The following DYNC2H1 variants were observed in gnomAD, a reference collection of about 807,000 sequenced individuals.
DYNC2H1 encodes the protein dynein cytoplasmic 2 heavy chain 1, also known as cytoplasmic dynein 2 heavy chain 1.
A neutral mutation model predicts 570.0 loss-of-function variants in DYNC2H1; 410 were observed. The ratio of observed to expected loss-of-function variants is 0.72; its 90% CI spans 0.66 to 0.78. The LOEUF (loss-of-function observed/expected upper bound fraction) is 0.78. Ranked by LOEUF, DYNC2H1 falls within the 30% of genes least tolerant of loss-of-function variation. The probability of loss-of-function intolerance (pLI) is 0.00; values close to 1 mark genes in which losing one functional copy is unlikely to be tolerated. For missense variants in DYNC2H1, 4,865 were observed against 5,046.4 expected (o/e 0.96, Z 1.09); for synonymous variants, 1,688 against 1,677.6 (o/e 1.01, Z -0.15).
In DYNC2H1 at chr11:103,205,716, G is replaced by T. The variant is rs1023426691; in HGVS notation, c.8454+752G>T. Among the ~76,000 whole-genome samples the T allele has an allele frequency of 6.6e-6, 1 of 152,124 alleles. No individual in the cohort carries two copies. The highest frequency in any genetic ancestry group is 1.5e-5 in the Non-Finnish European group (1 of 68,020). On this transcript the variant is annotated intron_variant, in intron 52 of 88. Coordinates refer to ENST00000375735, the MANE Select transcript of DYNC2H1 (RefSeq NM_001377.3). This position sits in a 1 kb window ranked among gnomAD's most constrained non-coding sequence, Gnocchi z 4.5. ...CCAGAGAGAAATCCCTGCCCTCATG[G>T]TGTTTACATTCTTCTCAGGTATATC...
At chr11:103,242,596 T>A (rs985865098) in intron 63 of DYNC2H1, among the ~76,000 whole-genome samples, 3 of 152,236 alleles carry the variant, frequency 2.0e-5, no homozygotes, top group Non-Finnish European at 4.4e-5. Flanking sequence ...GTTTAAATTT[T>A]AGTAGGTAGC....
At position 103,131,351 on chromosome 11, in the gene DYNC2H1, T is replaced by C. The variant is rs1179917134; in HGVS notation, c.1954-2204T>C. ...CTCTGTCGCCCAGGCTGGAGTGCAGTGTCGCAATCTCGGCTCACTGCAAGC... is the reference window on the plus strand; with the variant it reads ...CTCTGTCGCCCAGGCTGGAGTGCAGCGTCGCAATCTCGGCTCACTGCAAGC... On this transcript the variant is annotated intron_variant, in intron 13 of 88. Coordinates refer to ENST00000375735, the MANE Select transcript of DYNC2H1 (RefSeq NM_001377.3). Among the ~76,000 whole-genome samples, 175 of 152,204 alleles carry C rather than the reference T, an allele frequency of 1.1e-3. 2 individuals carry two copies. The highest frequency in any genetic ancestry group is 2.1e-4 in the Non-Finnish European group (14 of 67,996).
At position 103,170,251 on chromosome 11, in the gene DYNC2H1, A is replaced by G. The variant is rs1323749681; in HGVS notation, c.5112A>G (p.Gly1704=). Reference sequence around the variant, plus strand: ...CGGAATCAGTAAAGGCTTTAGGTGGACTTCTTGGAAGACAAGTTTTAGTCT... The same window carrying G: ...CGGAATCAGTAAAGGCTTTAGGTGGGCTTCTTGGAAGACAAGTTTTAGTCT... ...GKTESVKALG[G]LLGRQVLVFN... The change falls in exon 33 of 89, where the codon GGA becomes GGG. Residue 1704 remains glycine (G), a synonymous_variant. Coordinates refer to ENST00000375735, the MANE Select transcript of DYNC2H1 (RefSeq NM_001377.3). The surrounding 1 kb of genome is among the most constrained non-coding windows in gnomAD (Gnocchi z 4.8). 2 of 1,606,118 alleles carry G rather than the reference A, an allele frequency of 1.2e-6. No homozygotes were observed. Among genetic ancestry groups the G allele is most frequent in the Non-Finnish European group, 1.7e-6 (2 of 1,176,928 alleles).
Position 103,344,378 on chromosome 11 carries a change from A to G in DYNC2H1, c.12040-13865A>G, listed in dbSNP as rs575699691. On this transcript the variant is annotated intron_variant, in intron 82 of 88. Transcript: ENST00000375735. ...TCCCCATCTAATTCGGAATAAATGC[A>G]TTCATTACAAAGACTTATGAGATCC... Among the ~76,000 whole-genome samples, 43 of 152,330 alleles carry G rather than the reference A, an allele frequency of 2.8e-4. 1 individual carries two copies. In the South Asian group the frequency reaches 8.7e-3, roughly 31 times the overall value.
intron 18 of DYNC2H1, among the ~76,000 whole-genome samples, chr11:103,146,991 T>A (rs1860273563): frequency 6.6e-6 from 1 of 152,200 alleles, no homozygotes; most frequent in Non-Finnish European, 1.5e-5. Flanking sequence ...TAGGTATATA[T>A]AAAAATTTAT....
chr11:103,355,745 T>C (rs1437695842), intron 82 of DYNC2H1, among the ~76,000 whole-genome samples: 1 of 152,212 alleles, frequency 6.6e-6, no homozygotes, highest in Non-Finnish European at 1.5e-5. Flanking sequence ...GGGGTCTTGC[T>C]TTGTCATGTA....
rs1183492936 is a variant in DYNC2H1 at position 103,324,556 on chromosome 11, T to A, written c.12039+566T>A. ...CAAAGGACATGGTCTTGTTCTTTTC[T>A]TATGTTGCATATTCCATGTTGTCTA... On this transcript the variant is annotated intron_variant, in intron 82 of 88. Transcript: ENST00000375735. The surrounding 1 kb of genome is among the most constrained non-coding windows in gnomAD (Gnocchi z 5.2). 6.6e-6 allele frequency among the ~76,000 whole-genome samples: 1 copy of A among 152,218 alleles called. No homozygotes were observed. Among genetic ancestry groups the A allele is most frequent in the Non-Finnish European group, 1.5e-5 (1 of 68,040 alleles).
chr11:103,300,083 G>T (rs996147460), intron 75 of DYNC2H1, among the ~76,000 whole-genome samples: 2 of 151,918 alleles, frequency 1.3e-5, no homozygotes, highest in Admixed American at 6.6e-5. Context: ...AGGATGAGAG[G>T]AATTAAAAAG....
chr11:103,292,760 G>A (rs1482046546), intron 75 of DYNC2H1, among the ~76,000 whole-genome samples: 2 of 152,152 alleles, frequency 1.3e-5, no homozygotes, highest in African/African-American at 4.8e-5. Flanking sequence ...TAACATGCAA[G>A]CTGCTGTTCT....
intron 24 of DYNC2H1, among the ~76,000 whole-genome samples, chr11:103,155,126 G>T (rs1591328587): frequency 1.3e-5 from 2 of 151,936 alleles, no homozygotes; most frequent in South Asian, 4.2e-4. Flanking sequence ...ACTACAAAGG[G>T]TAATTTGTGT....
At chr11:103,260,305 C>G (rs777868617) in intron 70 of DYNC2H1, among the ~76,000 whole-genome samples, 2 of 152,156 alleles carry the variant, frequency 1.3e-5, no homozygotes, top group Non-Finnish European at 2.9e-5. Context: ...ACATTTTGGG[C>G]TACATAATTC....
chr11:103,278,965 A>G (rs952894396), intron 70 of DYNC2H1, among the ~76,000 whole-genome samples: 2 of 152,210 alleles, frequency 1.3e-5, no homozygotes, highest in African/African-American at 4.8e-5. Context: ...AGTGGAGAAC[A>G]AGGCCTACCC....
rs1361596212 is a variant in DYNC2H1 at position 103,264,473 on chromosome 11, C to T, written c.10695+4496C>T. On this transcript the variant is annotated intron_variant, in intron 70 of 88. Transcript: ENST00000375735. The surrounding 1 kb of genome is among the most constrained non-coding windows in gnomAD (Gnocchi z 4.8). ...AATCCTCAATAAAATATTGGCAAAC[C>T]GAATCCAGCAGCACATCAAAAAGCT... Among the ~76,000 whole-genome samples, 3 of 152,224 alleles carry T rather than the reference C, an allele frequency of 2.0e-5. No individual in the cohort carries two copies. The highest frequency in any genetic ancestry group is 1.9e-4 in the East Asian group (1 of 5,188).
At chr11:103,340,158 A>G (rs1355755442) in intron 82 of DYNC2H1, among the ~76,000 whole-genome samples, 1 of 152,108 alleles carries the variant, frequency 6.6e-6, no homozygotes, top group Non-Finnish European at 1.5e-5. Flanking sequence ...TTTTGTTTTT[A>G]AAATAGTGTT....
intron 70 of DYNC2H1, among the ~76,000 whole-genome samples, chr11:103,262,877 G>A (rs918543452): frequency 2.0e-5 from 3 of 152,046 alleles, no homozygotes; most frequent in African/African-American, 7.2e-5. Flanking sequence ...TGGAGTAAAT[G>A]CTCCAATTAA....
intron 82 of DYNC2H1, among the ~76,000 whole-genome samples, chr11:103,331,216 T>C (rs1000350037): frequency 5.9e-5 from 9 of 152,230 alleles, no homozygotes; most frequent in African/African-American, 2.2e-4. Flanking sequence ...TTCTTAATAG[T>C]TAATACATTG....
At chr11:103,283,991 C>T (rs1005058039) in intron 73 of DYNC2H1, among the ~76,000 whole-genome samples, 3 of 147,810 alleles carry the variant, frequency 2.0e-5, no homozygotes, top group Non-Finnish European at 4.5e-5. Context: ...CTAGGCCCAC[C>T]TGTGCACTTC....
chr11:103,154,673 A>G (rs770535617), intron 23 of DYNC2H1, 22 bp from the exon 24 acceptor site: 3 of 1,565,656 alleles, frequency 1.9e-6, no homozygotes, highest in South Asian at 2.4e-5. Flanking sequence ...AATCTTTGCA[A>G]TGTGTTTTTG....
Position 103,109,723 on chromosome 11 carries a change from T to C in DYNC2H1, c.149T>C (p.Leu50Pro). ...NNFLDDGNQM[L>P]LRVQRSDAGI... is the part of the protein sequence containing the mutation. The stretch of plus-strand genomic sequence containing the variant: ...TTCTTGGATGACGGCAACCAGATGC[T>C]CCTCAGGGTGCAGCGATCCGACGCA... Residue 50 changes from leucine (L) to proline (P), a missense_variant, in exon 1 of 89, where the codon CTC becomes CCC. Leu to Pro is a moderately conservative substitution (Grantham distance 98). This residue lies in a region of DYNC2H1 where 1,936 missense variants were observed against 1,962.1 expected (regional missense o/e 0.99). Transcript: ENST00000375735. 1 of 1,613,888 alleles carries C rather than the reference T, an allele frequency of 6.2e-7. No individual in the cohort carries two copies. Among genetic ancestry groups the C allele is most frequent in the East Asian group, 2.2e-5 (1 of 44,860 alleles).
Sources: gnomAD v4.1 joint callset for allele counts (sites outside exome capture counted in the v4.1 genomes callset) on GRCh38, gnomAD v4.1.1 for gene constraint, gnomAD v4.1.1 regional missense constraint, Gnocchi (gnomAD v3.1) non-coding constraint, MANE v1.5 for transcripts, NCBI Gene and HGNC (gene_info 2026-07-23, HGNC 2026-07-21) for gene names.